Variants in RBFOX1 observed in about 807,000 individuals in gnomAD.
The protein encoded by RBFOX1 is RNA binding protein fox-1 homolog 1.
A neutral mutation model predicts 57.7 loss-of-function variants in RBFOX1; 8 were observed. The ratio of observed to expected loss-of-function variants is 0.14; its 90% confidence interval spans 0.08 to 0.25. The LOEUF is 0.25. Ranked by LOEUF, RBFOX1 falls within the 10% of genes least tolerant of loss-of-function variation. RBFOX1 has a pLI of 1.00. For synonymous variants in RBFOX1, 326 were observed against 222.4 expected (o/e 1.47, Z -4.15); for missense variants, 611 against 548.5 (o/e 1.11, Z -1.14).
chr16:6,339,265 A>G (rs1258509851), intron 2 of RBFOX1, among the ~76,000 whole-genome samples: 5 of 152,230 alleles, frequency 3.3e-5, no homozygotes, highest in Non-Finnish European at 7.3e-5. Context: ...AGCCAGGGAA[A>G]TGCCAAGCAA....
chr16:6,913,842 A>G (rs183167459), intron 3 of RBFOX1, among the ~76,000 whole-genome samples: 2 of 152,170 alleles, frequency 1.3e-5, no homozygotes, highest in African/African-American at 4.8e-5. Flanking sequence ...CATGTGGCGT[A>G]ATTGTATTTT....
chr16:5,720,570 C>G (rs1248358772), intron 3 of RBFOX1, among the ~76,000 whole-genome samples: 2 of 152,096 alleles, frequency 1.3e-5, no homozygotes, highest in Admixed American at 6.6e-5. Context: ...AGTTTTAGCT[C>G]TTCCGTTTAG....
intron 3 of RBFOX1, among the ~76,000 whole-genome samples, chr16:6,965,315 T>TTGTG (rs57603257): frequency 0.01 from 1,490 of 147,458 alleles, 9 homozygotes; most frequent in Non-Finnish European, 0.015. Flanking sequence ...TTTTCTTTTG[T>TTGTG]TGTGTGTGTG....
intron 1 of RBFOX1, among the ~76,000 whole-genome samples, chr16:6,314,118 C>T (rs765556314): frequency 3.9e-5 from 6 of 152,074 alleles, no homozygotes; most frequent in Admixed American, 6.6e-5. Flanking sequence ...GTACCAAGTA[C>T]GGTAGCACCA....
chr16:5,669,729 T>C (rs933277478), intron 3 of RBFOX1, among the ~76,000 whole-genome samples: 3 of 152,182 alleles, frequency 2.0e-5, no homozygotes, highest in Non-Finnish European at 4.4e-5. Context: ...AAGATGGCTT[T>C]TTGAGATGAA....
intron 1 of RBFOX1, among the ~76,000 whole-genome samples, chr16:6,147,150 A>G (rs1167377044): frequency 6.6e-6 from 1 of 152,100 alleles, no homozygotes; most frequent in Non-Finnish European, 1.5e-5. Context: ...GGCCTTTTCC[A>G]TCCCACTCCA....
chr16:5,800,609 C>T (rs1393485909), intron 3 of RBFOX1, among the ~76,000 whole-genome samples: 1 of 152,044 alleles, frequency 6.6e-6, no homozygotes, highest in Non-Finnish European at 1.5e-5. Flanking sequence ...TGGATGTGAC[C>T]CAGTGACTCA....
chr16:5,362,537 T>C (rs1291668835), intron 1 of RBFOX1, among the ~76,000 whole-genome samples: 6 of 152,176 alleles, frequency 3.9e-5, no homozygotes, highest in Non-Finnish European at 8.8e-5. Context: ...TAATTTTGTA[T>C]TTTTAGTAGA....
chr16:7,240,830 A>G (rs1219927060), intron 4 of RBFOX1, among the ~76,000 whole-genome samples: 1 of 152,206 alleles, frequency 6.6e-6, no homozygotes, highest in African/African-American at 2.4e-5. Context: ...TCAGCCTTCC[A>G]AAGTTCTAGG....
intron 3 of RBFOX1, among the ~76,000 whole-genome samples, chr16:6,802,429 C>T (rs2154258771): frequency 6.6e-6 from 1 of 152,240 alleles, no homozygotes; most frequent in East Asian, 1.9e-4. Context: ...ATAATTCCAG[C>T]ACTTTGGGAG....
intron 1 of RBFOX1, among the ~76,000 whole-genome samples, chr16:5,272,355 C>T (rs977441915): frequency 6.6e-6 from 1 of 151,968 alleles, no homozygotes; most frequent in Non-Finnish European, 1.5e-5. Flanking sequence ...ATTAAAATAA[C>T]GTTAGTTAAA....
intron 4 of RBFOX1, among the ~76,000 whole-genome samples, chr16:7,132,791 A>G (rs1417198770): frequency 6.6e-6 from 1 of 152,208 alleles, no homozygotes; most frequent in East Asian, 1.9e-4. Context: ...AAACTCTTAG[A>G]AACAGTGGGC....
intron 1 of RBFOX1, among the ~76,000 whole-genome samples, chr16:6,200,614 T>C (rs766252367): frequency 9.2e-5 from 14 of 152,154 alleles, no homozygotes; most frequent in Non-Finnish European, 2.1e-4. Context: ...TTTAAAAAAA[T>C]ACAGTTTTAC....
intron 1 of RBFOX1, among the ~76,000 whole-genome samples, chr16:5,405,547 TA>T (rs2066841954): frequency 2.0e-5 from 3 of 152,196 alleles, no homozygotes; most frequent in Non-Finnish European, 4.4e-5. Flanking sequence ...ATGTCTTTAT[TA>T]GCTGCGTGAG....
intron 11 of RBFOX1, among the ~76,000 whole-genome samples, chr16:7,636,448 C>T (rs2061773022): frequency 6.6e-6 from 1 of 152,164 alleles, no homozygotes; most frequent in South Asian, 2.1e-4. Flanking sequence ...ACGTGAGTGA[C>T]ACTTGTTTAC....
At chr16:6,397,198 C>A (rs1325955271) in intron 2 of RBFOX1, among the ~76,000 whole-genome samples, 1 of 151,960 alleles carries the variant, frequency 6.6e-6, no homozygotes, top group Non-Finnish European at 1.5e-5. Flanking sequence ...TTCAAGCAAG[C>A]AAAATATAAA....
chr16:7,399,957 G>C (rs2098213335), intron 4 of RBFOX1, among the ~76,000 whole-genome samples: 1 of 152,092 alleles, frequency 6.6e-6, no homozygotes, highest in Non-Finnish European at 1.5e-5. Context: ...CTATGTACCA[G>C]GCATTGTGCT....
intron 3 of RBFOX1, among the ~76,000 whole-genome samples, chr16:6,819,818 C>T (rs1419164083): frequency 6.7e-6 from 1 of 148,546 alleles, no homozygotes; most frequent in African/African-American, 2.5e-5. Context: ...TGGTAATTTA[C>T]AGAAGAGCAA....
At chr16:6,384,133 G>T (rs868488199) in intron 2 of RBFOX1, among the ~76,000 whole-genome samples, 3 of 149,494 alleles carry the variant, frequency 2.0e-5, no homozygotes, top group Middle Eastern at 3.4e-3. Flanking sequence ...ATTGGCGCTT[G>T]GTTGAAAGGT....
Sources: allele counts gnomAD v4.1 joint callset (sites outside exome capture counted in the v4.1 genomes callset), GRCh38; gene constraint gnomAD v4.1.1; transcripts MANE v1.5; gene names NCBI Gene and HGNC (gene_info 2026-07-23, HGNC 2026-07-21).